The following MYO6 variants were observed in gnomAD, a reference collection of about 807,000 sequenced individuals.
MYO6 encodes the protein myosin VI, also known as unconventional myosin-VI.
Under a neutral mutation model 178.7 loss-of-function variants are expected in MYO6, and 74 were observed. The ratio of observed to expected loss-of-function variants is 0.41; its 90% CI spans 0.34 to 0.50. The LOEUF is 0.50. Among genes scored for constraint, MYO6 ranks in the 20% least tolerant of loss-of-function variants. The probability of loss-of-function intolerance (pLI) is 0.09; values close to 1 mark genes in which losing one functional copy is unlikely to be tolerated. For synonymous variants in MYO6, 477 were observed against 504.6 expected, an observed-to-expected ratio of 0.95 and a Z score of 0.73; for missense variants, 1,330 against 1,547.4, an observed-to-expected ratio of 0.86 and a Z score of 2.36.
rs1464248220 is a variant in MYO6 at position 75,917,288 on chromosome 6, A to C, written c.*2276A>C. The C allele has an allele frequency of 3.3e-5, 5 of 152,694 alleles. No individual in the cohort carries two copies. Among genetic ancestry groups the C allele is most frequent in the Non-Finnish European group, 5.9e-5 (4 of 68,048 alleles). The allele number at this position is 152,694 out of a possible 1,614,324, so 9.5% of individuals were successfully genotyped here. On this transcript the variant is annotated 3_prime_UTR_variant, in exon 35 of 35. Coordinates refer to ENST00000369977, the MANE Select transcript of MYO6 (RefSeq NM_004999.4). Reference sequence around the variant, plus strand: ...TAAAATTAGAAGTTTAAACCACTATATATAAAGAACTAATCTTTTCTTAAT... The same window carrying C: ...TAAAATTAGAAGTTTAAACCACTATCTATAAAGAACTAATCTTTTCTTAAT...
chr6:75,772,851 G>A (rs187332155), intron 1 of MYO6, among the ~76,000 whole-genome samples: 42 of 152,236 alleles, frequency 2.8e-4, no homozygotes, highest in Admixed American at 2.7e-3. Context: ...CTGTGTTGGT[G>A]ATCTTTATAA....
At chr6:75,865,971 T>A (rs1776631612) in intron 16 of MYO6, among the ~76,000 whole-genome samples, 1 of 152,196 alleles carries the variant, frequency 6.6e-6, no homozygotes, top group African/African-American at 2.4e-5. Flanking sequence ...TTGATCCTTT[T>A]GTAGTTCATA....
intron 1 of MYO6, among the ~76,000 whole-genome samples, chr6:75,783,556 C>CT (rs199499336): frequency 0.034 from 4,359 of 127,652 alleles, 88 homozygotes; most frequent in East Asian, 0.12. Flanking sequence ...TTGATATCTT[C>CT]TTTTTTTTTT....
At chr6:75,846,323 CAA>C (rs1404257126) in intron 10 of MYO6, among the ~76,000 whole-genome samples, 3 of 151,882 alleles carry the variant, frequency 2.0e-5, no homozygotes, top group African/African-American at 4.8e-5. Context: ...AGTAATCGAA[CAA>C]GTTTTTATAA....
intron 1 of MYO6, among the ~76,000 whole-genome samples, chr6:75,795,593 C>T (rs60360183): frequency 0.056 from 8,578 of 152,212 alleles, 538 homozygotes; most frequent in African/African-American, 0.15. Context: ...TCCAGGCATA[C>T]TATTCCACTG....
At chr6:75,752,159 A>G (rs1024353584) in intron 1 of MYO6, among the ~76,000 whole-genome samples, 5 of 151,886 alleles carry the variant, frequency 3.3e-5, no homozygotes, top group African/African-American at 1.2e-4. Context: ...CACCTGGCCA[A>G]TTTTTTATTA....
chr6:75,828,505 C>T (rs1279577060), intron 3 of MYO6, 35 bp from the exon 4 acceptor site: 3 of 1,217,450 alleles, frequency 2.5e-6, no homozygotes, highest in South Asian at 2.4e-5. Flanking sequence ...TTGTTTTCTT[C>T]AATTCTCTAA....
rs1288826424 is a variant in MYO6 at position 75,898,416 on chromosome 6, G to A, written c.3176+5G>A. ...AATGTCAGAATTTTTGAGTAGGTTA[G>A]TGCAGTGTAATTGGGGGAAATAAGT... is the stretch of plus-strand genomic sequence containing the variant. On this transcript the variant is annotated splice_donor_5th_base_variant and intron_variant, in intron 30 of 34. Coordinates refer to ENST00000369977, the MANE Select transcript of MYO6 (RefSeq NM_004999.4). 6.2e-7 allele frequency: 1 copy of A among 1,607,800 alleles called. No homozygotes were observed. Among genetic ancestry groups the A allele is most frequent in the Admixed American group, 1.7e-5 (1 of 59,970 alleles).
chr6:75,877,419 A>C (rs1355755785), intron 20 of MYO6, among the ~76,000 whole-genome samples: 3 of 151,758 alleles, frequency 2.0e-5, no homozygotes, highest in Admixed American at 2.0e-4. Flanking sequence ...GGCGCCCACC[A>C]CCACACCCGG....
intron 1 of MYO6, among the ~76,000 whole-genome samples, chr6:75,802,932 A>G (rs1769634423): frequency 6.6e-6 from 1 of 152,202 alleles, no homozygotes; most frequent in South Asian, 2.1e-4. Flanking sequence ...ATACTTTAAT[A>G]TCTGTGAAAG....
intron 23 of MYO6, among the ~76,000 whole-genome samples, chr6:75,884,925 C>T (rs754000887): frequency 2.0e-5 from 3 of 152,294 alleles, no homozygotes; most frequent in Non-Finnish European, 2.9e-5. Context: ...GCTCCTAAAC[C>T]GTAATTTCTA....
chr6:75,903,266 A>G (rs1001748754), intron 30 of MYO6, among the ~76,000 whole-genome samples: 5 of 152,140 alleles, frequency 3.3e-5, no homozygotes, highest in Admixed American at 1.3e-4. Flanking sequence ...GCTGAGTTCA[A>G]TTCCTGGGTA....
At chr6:75,824,009 CA>C (rs1224469110) in intron 3 of MYO6, among the ~76,000 whole-genome samples, 1 of 152,036 alleles carries the variant, frequency 6.6e-6, no homozygotes, top group Non-Finnish European at 1.5e-5. Context: ...TTTTGAATAG[CA>C]ATCAGAATAA....
At chr6:75,831,794 G>A (rs575778543) in intron 5 of MYO6, among the ~76,000 whole-genome samples, 9 of 151,884 alleles carry the variant, frequency 5.9e-5, no homozygotes, top group African/African-American at 1.7e-4. Flanking sequence ...GGAGGCAGTG[G>A]TGGGAAGATC....
intron 1 of MYO6, among the ~76,000 whole-genome samples, chr6:75,801,148 G>A (rs372843345): frequency 5.3e-5 from 8 of 152,244 alleles, no homozygotes; most frequent in East Asian, 1.9e-4. Context: ...CCCTGAGACT[G>A]GGTCATTTAT....
At chr6:75,831,128 C>T (rs897257289) in intron 5 of MYO6, among the ~76,000 whole-genome samples, 2 of 152,198 alleles carry the variant, frequency 1.3e-5, no homozygotes, top group Non-Finnish European at 2.9e-5. Flanking sequence ...TGAAGTCCTC[C>T]AGCTCTGAGT....
intron 7 of MYO6, among the ~76,000 whole-genome samples, chr6:75,837,782 C>T (rs1490441197): frequency 6.6e-6 from 1 of 152,028 alleles, no homozygotes; most frequent in Admixed American, 6.6e-5. Flanking sequence ...CAGATATGTA[C>T]TTATCTTGTA....
At chr6:75,802,964 G>A (rs2150122734) in intron 1 of MYO6, among the ~76,000 whole-genome samples, 1 of 152,144 alleles carries the variant, frequency 6.6e-6, no homozygotes, top group Non-Finnish European at 1.5e-5. Flanking sequence ...AGGTAAACTG[G>A]GATGTTTAGT....
chr6:75,855,350 T>C lies in MYO6; in HGVS notation c.1223+67T>C, dbSNP rs944828724. The C allele has an allele frequency of 6.6e-6, 10 of 1,508,522 alleles. No individual in the cohort carries two copies. In the African/African-American group the frequency reaches 1.4e-4, roughly 21 times the overall value. 93.4% of individuals were successfully genotyped at this position (1,508,522 alleles called of 1,614,324 possible). A position where few individuals can be genotyped will look rare whatever the true frequency, so the allele number is the denominator to read the frequency against. ...CAGTTTGTCAAGGAAAAACATAAGT[T>C]ACATTCTGTTTAAAACCTGAGCTTG... On this transcript the variant is annotated intron_variant, in intron 12 of 34. Coordinates refer to ENST00000369977, the MANE Select transcript of MYO6 (RefSeq NM_004999.4).
Sources: allele counts gnomAD v4.1 joint callset (sites outside exome capture counted in the v4.1 genomes callset), GRCh38; gene constraint gnomAD v4.1.1; transcripts MANE v1.5; gene names NCBI Gene and HGNC (gene_info 2026-07-23, HGNC 2026-07-21).